The following DLG2 variants were observed in gnomAD, a reference collection of about 807,000 sequenced individuals.
DLG2 encodes discs large MAGUK scaffold protein 2, also known as disks large homolog 2.
DLG2 carries 45 observed loss-of-function variants against 132.5 expected under a neutral mutation model. That is an observed-to-expected ratio of 0.34 (90% CI 0.27 to 0.44). The LOEUF is 0.44. Among genes scored for constraint, DLG2 ranks in the 20% least tolerant of loss-of-function variants. The pLI is 1.00. For missense variants in DLG2, 1,045 were observed against 1,196.9 expected (o/e 0.87, Z 1.87); for synonymous variants, 424 against 419.6 (o/e 1.01, Z -0.13).
At chr11:84,536,129 A>G (rs2099355060) in intron 6 of DLG2, among the ~76,000 whole-genome samples, 1 of 152,158 alleles carries the variant, frequency 6.6e-6, no homozygotes, top group African/African-American at 2.4e-5. Flanking sequence ...CAATGTCCCA[A>G]GTAATATCTC....
rs531349717 is a variant in DLG2, at chr11:84,420,218, T to A, written c.519+114352A>T. 2.6e-5 allele frequency among the ~76,000 whole-genome samples: 4 copies of A among 152,278 alleles called. No individual in the cohort carries two copies. In the South Asian group the frequency reaches 8.3e-4, roughly 32 times the overall value. On this transcript the variant is annotated intron_variant, in intron 7 of 27. Transcript: ENST00000376104. ...TGAAACAAGTAAAACTCAGCCAGGTTCTCCTTTGACCATAATATAGCTGAA... is the reference window on the plus strand; with the variant it reads ...TGAAACAAGTAAAACTCAGCCAGGTACTCCTTTGACCATAATATAGCTGAA...
At chr11:83,648,534 C>T (rs1041037733) in intron 18 of DLG2, among the ~76,000 whole-genome samples, 1 of 152,110 alleles carries the variant, frequency 6.6e-6, no homozygotes, top group Admixed American at 6.6e-5. Flanking sequence ...TATAATAAAA[C>T]CTCTGGCTTT....
At chr11:83,483,449 T>G (rs2093286702) in intron 22 of DLG2, among the ~76,000 whole-genome samples, 1 of 151,944 alleles carries the variant, frequency 6.6e-6, no homozygotes, top group Non-Finnish European at 1.5e-5. Flanking sequence ...TTAAAAAAAC[T>G]TTCACCCCAA....
chr11:85,136,806 G>T (rs1437928190), intron 5 of DLG2, among the ~76,000 whole-genome samples: 2 of 152,062 alleles, frequency 1.3e-5, no homozygotes, highest in Non-Finnish European at 2.9e-5. Flanking sequence ...AGCCCCTTGA[G>T]GGCAGATTTA....
chr11:84,714,275 T>C (rs999783460), intron 6 of DLG2, among the ~76,000 whole-genome samples: 1 of 152,052 alleles, frequency 6.6e-6, no homozygotes, highest in African/African-American at 2.4e-5. Flanking sequence ...TGCATAATGA[T>C]ATATGAATTG....
chr11:85,617,650 T>C (rs1591355209), intron 2 of DLG2, among the ~76,000 whole-genome samples: 1 of 152,344 alleles, frequency 6.6e-6, no homozygotes, highest in East Asian at 1.9e-4. Flanking sequence ...CTTAAATATA[T>C]ACACCAGTTT....
chr11:84,495,409 C>CT (rs901385433), intron 7 of DLG2, among the ~76,000 whole-genome samples: 9 of 152,040 alleles, frequency 5.9e-5, no homozygotes, highest in Admixed American at 3.3e-4. Flanking sequence ...ATCATTTCCC[C>CT]TTTTTTTGCC....
intron 7 of DLG2, among the ~76,000 whole-genome samples, chr11:84,438,718 T>G (rs1227028531): frequency 6.6e-6 from 1 of 152,204 alleles, no homozygotes; most frequent in Admixed American, 6.5e-5. Flanking sequence ...CAATGAGAGA[T>G]AAGGTTTTAG....
intron 15 of DLG2, among the ~76,000 whole-genome samples, chr11:83,912,841 A>C (rs1215885941): frequency 6.6e-6 from 1 of 152,150 alleles, no homozygotes; most frequent in African/African-American, 2.4e-5. Flanking sequence ...CACTGAGAGA[A>C]CATCCATGAG....
chr11:85,328,660 C>A (rs1270442348), intron 3 of DLG2, among the ~76,000 whole-genome samples: 2 of 148,926 alleles, frequency 1.3e-5, no homozygotes, highest in Non-Finnish European at 3.0e-5. Flanking sequence ...AAACCCACAG[C>A]CAATATCATA....
chr11:85,296,468 T>TTTTTTTTTTTTTTTTTTC (rs2079221381), intron 3 of DLG2, among the ~76,000 whole-genome samples: 3 of 14,766 alleles, frequency 2.0e-4, no homozygotes, highest in Non-Finnish European at 5.1e-4. Context: ...TTCGATTTTC[T>TTTTTTTTTTTTTTTTTTC]TTTTTTTTTT....
At chr11:84,425,507 T>C (rs1357852948) in intron 7 of DLG2, among the ~76,000 whole-genome samples, 1 of 152,126 alleles carries the variant, frequency 6.6e-6, no homozygotes, top group Non-Finnish European at 1.5e-5. Context: ...ACAAAAGCCA[T>C]TTTCATAAAG....
chr11:83,485,903 G>A (rs1012423224), intron 21 of DLG2, among the ~76,000 whole-genome samples: 1 of 152,064 alleles, frequency 6.6e-6, no homozygotes, highest in Non-Finnish European at 1.5e-5. Flanking sequence ...CAGCAAAGTA[G>A]TAGAGCTCAA....
At chr11:85,482,690 C>A (rs1326211217) in intron 3 of DLG2, among the ~76,000 whole-genome samples, 1 of 152,114 alleles carries the variant, frequency 6.6e-6, no homozygotes, top group Non-Finnish European at 1.5e-5. Context: ...TACTTGTGAT[C>A]CTAAGCTCCA....
At chr11:85,421,159 G>C (rs2090275632) in intron 3 of DLG2, among the ~76,000 whole-genome samples, 1 of 152,092 alleles carries the variant, frequency 6.6e-6, no homozygotes, top group Non-Finnish European at 1.5e-5. Flanking sequence ...CATAGTATCG[G>C]AGCCGGAGTG....
At chr11:84,321,401 G>A (rs188943638) in intron 7 of DLG2, among the ~76,000 whole-genome samples, 1 of 152,172 alleles carries the variant, frequency 6.6e-6, no homozygotes, top group East Asian at 1.9e-4. Flanking sequence ...TCAGTTAAAC[G>A]TCATTTTCTG....
chr11:85,410,045 A>C (rs1253527210), intron 3 of DLG2, among the ~76,000 whole-genome samples: 1 of 151,916 alleles, frequency 6.6e-6, no homozygotes, highest in Non-Finnish European at 1.5e-5. Flanking sequence ...ATAGCATACT[A>C]GAATCTTTTA....
intron 4 of DLG2, among the ~76,000 whole-genome samples, chr11:85,207,599 T>C (rs528840786): frequency 1.3e-5 from 2 of 152,288 alleles, no homozygotes; most frequent in East Asian, 3.9e-4. Context: ...ATAGACCCAT[T>C]ACATGTGTCA....
chr11:85,401,258 T>C (rs1362574115), intron 3 of DLG2, among the ~76,000 whole-genome samples: 1 of 152,162 alleles, frequency 6.6e-6, no homozygotes, highest in Non-Finnish European at 1.5e-5. Context: ...TCTCAATAGA[T>C]GCAGAAAAGG....
Sources: gnomAD v4.1 joint callset for allele counts (sites outside exome capture counted in the v4.1 genomes callset) on GRCh38, gnomAD v4.1.1 for gene constraint, MANE v1.5 for transcripts, NCBI Gene and HGNC (gene_info 2026-07-23, HGNC 2026-07-21) for gene names.